NLGN1: variants seen among roughly 807,000 people sequenced by gnomAD.
The protein encoded by NLGN1 is neuroligin-1.
A neutral mutation model predicts 65.5 loss-of-function variants in NLGN1; 12 were observed. That is an observed-to-expected ratio of 0.18 (90% CI 0.12 to 0.30). The LOEUF (loss-of-function observed/expected upper bound fraction) is 0.30. Ranked by LOEUF, NLGN1 falls within the 10% of genes least tolerant of loss-of-function variation. NLGN1 has a pLI of 1.00. For synonymous variants in NLGN1, 350 were observed against 359.5 expected (o/e 0.97, Z 0.30); for missense variants, 750 against 1,007.1 (o/e 0.74, Z 3.46).
intron 3 of NLGN1, among the ~76,000 whole-genome samples, chr3:173,714,768 A>G (rs144329219): frequency 5.1e-4 from 77 of 152,234 alleles, no homozygotes; most frequent in Middle Eastern, 3.4e-3. Flanking sequence ...CAAGTACTCT[A>G]TAGTATTACA....
At chr3:174,188,094 G>A (rs1731748432) in intron 4 of NLGN1, among the ~76,000 whole-genome samples, 1 of 151,976 alleles carries the variant, frequency 6.6e-6, no homozygotes, top group African/African-American at 2.4e-5. Context: ...ATACCTAAAT[G>A]ATGTTTATCA....
chr3:173,672,936 G>T (rs1253346969), intron 3 of NLGN1, among the ~76,000 whole-genome samples: 1 of 152,056 alleles, frequency 6.6e-6, no homozygotes, highest in Admixed American at 6.6e-5. Flanking sequence ...GGTTTTTGCT[G>T]GTTTAAGCCT....
intron 3 of NLGN1, among the ~76,000 whole-genome samples, chr3:173,716,856 A>G (rs1205953687): frequency 6.6e-6 from 1 of 152,026 alleles, no homozygotes; most frequent in Non-Finnish European, 1.5e-5. Context: ...GTGTATCTTG[A>G]TGAAGATATC....
chr3:173,682,042 G>A (rs1457112895), intron 3 of NLGN1, among the ~76,000 whole-genome samples: 1 of 152,088 alleles, frequency 6.6e-6, no homozygotes, highest in African/African-American at 2.4e-5. Flanking sequence ...GAACTGATTC[G>A]ATCATGAGTA....
intron 2 of NLGN1, among the ~76,000 whole-genome samples, chr3:173,533,675 A>T (rs1000194067): frequency 2.0e-5 from 3 of 152,170 alleles, no homozygotes; most frequent in African/African-American, 7.2e-5. Context: ...GTATAGAAGC[A>T]AGGTTGATCA....
At chr3:173,438,273 G>A (rs780528757) in intron 2 of NLGN1, among the ~76,000 whole-genome samples, 5 of 151,852 alleles carry the variant, frequency 3.3e-5, no homozygotes, top group African/African-American at 4.8e-5. Context: ...ATGCATAAAT[G>A]TTTTGTGTTG....
intron 3 of NLGN1, among the ~76,000 whole-genome samples, chr3:173,715,359 T>C (rs1372327197): frequency 6.6e-6 from 1 of 152,204 alleles, no homozygotes; most frequent in African/African-American, 2.4e-5. Context: ...AAATGCATTG[T>C]TAAGTCTGTG....
At chr3:173,700,697 T>C (rs1767001404) in intron 3 of NLGN1, among the ~76,000 whole-genome samples, 1 of 152,206 alleles carries the variant, frequency 6.6e-6, no homozygotes, top group Non-Finnish European at 1.5e-5. Context: ...ATTTTATTTT[T>C]TAATGTGAAA....
chr3:174,118,154 T>C lies in NLGN1; in HGVS notation c.647-157161T>C, dbSNP rs1226013333. 2.6e-5 allele frequency among the ~76,000 whole-genome samples: 4 copies of C among 152,204 alleles called. No homozygotes were observed. The South Asian group carries it at 6.2e-4, about 24-fold the overall frequency. On this transcript the variant is annotated intron_variant, in intron 4 of 6. Transcript: ENST00000457714. ...TGTTTGAGCCATTGCCACTTACAAC[T>C]GCTCAGGGATTTTTTAAGTGGAATG...
intron 4 of NLGN1, among the ~76,000 whole-genome samples, chr3:174,145,955 T>C (rs1424680140): frequency 3.3e-5 from 5 of 152,278 alleles, no homozygotes; most frequent in African/African-American, 1.2e-4. Flanking sequence ...TTTTACATCA[T>C]GACTAGTGTG....
chr3:174,283,864 CTG>C (rs1489492865), exon 7 of NLGN1: 3 of 151,500 alleles, frequency 2.0e-5, no homozygotes, highest in Admixed American at 6.6e-5. Flanking sequence ...AATTGGAACA[CTG>C]TATTTTACTG....
chr3:173,721,933 A>G (rs1304924637), intron 3 of NLGN1, among the ~76,000 whole-genome samples: 1 of 80,478 alleles, frequency 1.2e-5, no homozygotes, highest in African/African-American at 4.7e-5. Flanking sequence ...CAACATGAAT[A>G]TCTGCTCGTA....
chr3:173,430,490 C>T lies in NLGN1; in HGVS notation c.-389-4520C>T, dbSNP rs537494560. Among the ~76,000 whole-genome samples the T allele has an allele frequency of 9.8e-4, 149 of 152,278 alleles. 1 individual carries two copies. The highest frequency in any genetic ancestry group is 1.5e-3 in the Non-Finnish European group (101 of 68,024). On this transcript the variant is annotated intron_variant, in intron 1 of 6. Transcript: ENST00000457714. ...TAAGATGTATCTTTTGGAAAAATGTCACAGAAGTGAAGCTGTTATCTTACT... is the reference window on the plus strand; with the variant it reads ...TAAGATGTATCTTTTGGAAAAATGTTACAGAAGTGAAGCTGTTATCTTACT...
intron 4 of NLGN1, among the ~76,000 whole-genome samples, chr3:174,216,732 A>T (rs938970358): frequency 3.3e-5 from 5 of 152,066 alleles, no homozygotes; most frequent in African/African-American, 1.2e-4. Flanking sequence ...TCAGGTTGTA[A>T]TGCTAGGTCA....
At chr3:173,634,376 A>G (rs534978707) in intron 3 of NLGN1, among the ~76,000 whole-genome samples, 5 of 152,290 alleles carry the variant, frequency 3.3e-5, no homozygotes, top group Non-Finnish European at 5.9e-5. Flanking sequence ...TATGGTCACT[A>G]TGAACAAATA....
chr3:173,738,559 A>G (rs1033088357), intron 3 of NLGN1, among the ~76,000 whole-genome samples: 1 of 152,102 alleles, frequency 6.6e-6, no homozygotes, highest in Non-Finnish European at 1.5e-5. Context: ...TATAAATGTG[A>G]AAAGGTATTT....
chr3:174,220,724 C>T (rs1738490802), intron 4 of NLGN1, among the ~76,000 whole-genome samples: 1 of 151,916 alleles, frequency 6.6e-6, no homozygotes, highest in African/African-American at 2.4e-5. Context: ...TTTTCTAGGG[C>T]ATTATTTACA....
intron 4 of NLGN1, among the ~76,000 whole-genome samples, chr3:173,962,208 G>A (rs1397907755): frequency 6.6e-6 from 1 of 152,072 alleles, no homozygotes; most frequent in Non-Finnish European, 1.5e-5. Context: ...TCCTTCCACA[G>A]TCTGGCAATT....
At chr3:173,997,880 C>A (rs1230086221) in intron 4 of NLGN1, among the ~76,000 whole-genome samples, 1 of 152,000 alleles carries the variant, frequency 6.6e-6, no homozygotes, top group African/African-American at 2.4e-5. Context: ...TATCTAGAAC[C>A]AATACATCAG....
Sources: gnomAD v4.1 joint callset for allele counts (sites outside exome capture counted in the v4.1 genomes callset) on GRCh38, gnomAD v4.1.1 for gene constraint, MANE v1.5 for transcripts, NCBI Gene and HGNC (gene_info 2026-07-23, HGNC 2026-07-21) for gene names.